NUP50: variants seen among roughly 807,000 people sequenced by gnomAD.
NUP50 encodes the protein nucleoporin 50, also known as nuclear pore complex protein Nup50.
In NUP50, 14 loss-of-function variants were observed where a neutral mutation model predicts 36.8. The ratio of observed to expected loss-of-function variants is 0.38; its 90% CI spans 0.25 to 0.59. NUP50 has a LOEUF of 0.59. NUP50 is among the 20% of genes least tolerant of loss of function. NUP50 has a pLI of 0.63. For synonymous variants in NUP50, 195 were observed against 210.8 expected (o/e 0.93, Z 0.65); for missense variants, 455 against 564.6 (o/e 0.81, Z 1.97).
chr22:45,183,732 A>AT (rs2074421001), intron 7 of NUP50: 1 of 489,962 alleles, frequency 2.0e-6, no homozygotes. Context: ...ATGATTTTTC[A>AT]TTTTCCTTTG....
In NUP50 at chr22:45,171,461, C is replaced by T. The variant is rs182800028; in HGVS notation, c.70-139C>T. ...CCTCCCAAAGCGCTAGTATTATAGG[C>T]GCAAGCCATTGTGCCTGGCCAAAAT... is the stretch of plus-strand genomic sequence containing the variant. On this transcript the variant is annotated intron_variant, in intron 2 of 7. Transcript: ENST00000347635. The T allele has an allele frequency of 7.8e-5, 60 of 773,162 alleles. No individual in the cohort carries two copies. The African/African-American group carries it at 8.2e-4, about 11-fold the overall frequency. 47.9% of individuals were successfully genotyped at this position (773,162 alleles called of 1,614,324 possible). A position where few individuals can be genotyped will look rare whatever the true frequency, so the allele number is the denominator to read the frequency against.
intron 6 of NUP50, among the ~76,000 whole-genome samples, chr22:45,182,512 G>T (rs1301623338): frequency 6.6e-6 from 1 of 152,080 alleles, no homozygotes; most frequent in Non-Finnish European, 1.5e-5. Context: ...TAGCACAGGA[G>T]GCTGGGAAGA....
intron 1 of NUP50, among the ~76,000 whole-genome samples, chr22:45,167,866 A>T (rs1199672603): frequency 2.0e-5 from 3 of 152,202 alleles, no homozygotes; most frequent in African/African-American, 7.2e-5. Context: ...GATTTTTAAA[A>T]AATCAATTGA....
intron 2 of NUP50, among the ~76,000 whole-genome samples, chr22:45,170,126 C>A (rs1009116332): frequency 9.8e-5 from 15 of 152,318 alleles, no homozygotes; most frequent in Middle Eastern, 6.8e-3. Context: ...GATCACGTGA[C>A]TTGCTTGACC....
intron 6 of NUP50, among the ~76,000 whole-genome samples, chr22:45,183,014 C>T (rs1479688405): frequency 7.5e-6 from 1 of 134,098 alleles, no homozygotes; most frequent in Non-Finnish European, 1.5e-5. Flanking sequence ...TTTATTTGTT[C>T]CTGTCTTTAG....
intron 4 of NUP50, among the ~76,000 whole-genome samples, chr22:45,176,482 G>A (rs905048062): frequency 4.6e-5 from 7 of 152,174 alleles, no homozygotes; most frequent in African/African-American, 1.7e-4. Context: ...ACTCAGATGC[G>A]GTTCTCCGTG....
Position 45,170,992 on chromosome 22 carries a change from A to G in NUP50, c.70-608A>G, listed in dbSNP as rs1389105505. ...TATTTTATTCCGACCCTACAGGGTAAAAGAAGGGCTATAAACTAAAGCCGA... is the reference window on the plus strand; with the variant it reads ...TATTTTATTCCGACCCTACAGGGTAGAAGAAGGGCTATAAACTAAAGCCGA... On this transcript the variant is annotated intron_variant, in intron 2 of 7. Transcript: ENST00000347635. 4 of 1,304,118 alleles carry G rather than the reference A, an allele frequency of 3.1e-6. No individual in the cohort carries two copies. The South Asian group carries it at 4.9e-5, about 16-fold the overall frequency. 80.8% of individuals were successfully genotyped at this position (1,304,118 alleles called of 1,614,324 possible). A position where few individuals can be genotyped will look rare whatever the true frequency, so the allele number is the denominator to read the frequency against.
chr22:45,183,322 T>A, intron 6 of NUP50, 80 bp from the exon 7 acceptor site: 1 of 796,760 alleles, frequency 1.3e-6, no homozygotes, highest in Non-Finnish European at 2.2e-6. Context: ...TCCACACAAG[T>A]GTGAAGAGTG....
intron 3 of NUP50, among the ~76,000 whole-genome samples, chr22:45,172,547 ATACT>A (rs1444714727): frequency 1.3e-5 from 2 of 152,128 alleles, no homozygotes; most frequent in African/African-American, 2.4e-5. Context: ...GGGAGCGGAA[ATACT>A]TACTTTCCTG....
At chr22:45,179,497 T>A (rs2147695895) in intron 5 of NUP50, among the ~76,000 whole-genome samples, 1 of 152,268 alleles carries the variant, frequency 6.6e-6, no homozygotes, top group African/African-American at 2.4e-5. Flanking sequence ...CAGACCTCTG[T>A]TGTTAGCTTA....
Position 45,178,394 on chromosome 22 carries a change from C to G in NUP50, c.497C>G (p.Ser166Cys). 1 of 1,613,874 alleles carries G rather than the reference C, an allele frequency of 6.2e-7. No homozygotes were observed. Among genetic ancestry groups the G allele is most frequent in the South Asian group, 1.1e-5 (1 of 91,066 alleles). Residue 166 changes from serine (S) to cysteine (C), a missense_variant, in exon 5 of 8, where the codon TCC becomes TGC. This residue lies in a region of NUP50 where 166 missense variants were observed against 202.8 expected (regional missense o/e 0.82). Transcript: ENST00000347635. ...AAGCAGTTGGCCGCCTTGAACTGCT[C>G]CGTGCGGGATTGGATAGTGAAGCAC... is the stretch of plus-strand genomic sequence containing the variant. ...YHKQLAALNCSVRDWIVKHVN... is the reference protein window; with the variant it reads ...YHKQLAALNCCVRDWIVKHVN...
rs1259343886 is a variant in NUP50 at position 45,183,383 on chromosome 22, CTAT to C, written c.1086-14_1086-12del. ...TTCGTCCTTGAATGCTTGATGGTCC[CTAT>C]TATTTTTCTCCATAGGTGTAAACTG... is the stretch of plus-strand genomic sequence containing the variant. On this transcript the variant is annotated splice_polypyrimidine_tract_variant and intron_variant, in intron 6 of 7. Transcript: ENST00000347635. 6 of 1,393,650 alleles carry C rather than the reference CTAT, an allele frequency of 4.3e-6. No individual in the cohort carries two copies. Among genetic ancestry groups the C allele is most frequent in the Admixed American group, 1.7e-5 (1 of 59,002 alleles). The allele number at this position is 1,393,650 out of a possible 1,614,324, so 86.3% of individuals were successfully genotyped here. A position where few individuals can be genotyped will look rare whatever the true frequency, so the allele number is the denominator to read the frequency against.
At chr22:45,171,196 A>C (rs1017759514) in intron 2 of NUP50, 11 of 1,139,446 alleles carry the variant, frequency 9.7e-6, no homozygotes, top group South Asian at 3.8e-5. Context: ...TAAATAACAA[A>C]ATTTATTTAT....
rs1217594460 is a variant in NUP50, at chr22:45,178,514, G to C, written c.617G>C (p.Arg206Thr). 11 of 1,612,028 alleles carry C rather than the reference G, an allele frequency of 6.8e-6. No individual in the cohort carries two copies. Among genetic ancestry groups the C allele is most frequent in the Non-Finnish European group, 8.5e-6 (10 of 1,179,874 alleles). ...GAACAGCAACACGGGAACAGTGGCA[G>C]GAATTCTGAAAGTGAATCTAACAAA... ...NIEQQHGNSG[R>T]NSESESNKVA... The change falls in exon 5 of 8, where the codon AGG becomes ACG. Residue 206 changes from arginine (R) to threonine (T), a missense_variant. Physicochemically the swap from Arg to Thr is moderately conservative, Grantham distance 71 (BLOSUM62 -1). Around this residue, in one of 3 missense-constraint regions of NUP50, gnomAD observed 287 missense variants for 345.5 expected, o/e 0.83. Transcript: ENST00000347635.
At chr22:45,165,432 C>T (rs1214224635) in intron 1 of NUP50, among the ~76,000 whole-genome samples, 2 of 152,160 alleles carry the variant, frequency 1.3e-5, no homozygotes, top group African/African-American at 4.8e-5. Context: ...TAATCTATGT[C>T]CATCTTTATT....
chr22:45,182,320 A>G (rs2074385721), intron 6 of NUP50, among the ~76,000 whole-genome samples: 1 of 152,134 alleles, frequency 6.6e-6, no homozygotes. Context: ...GCACGCCTGT[A>G]ATCCCAGCTG....
chr22:45,171,822 G>T, intron 3 of NUP50, 139 bp downstream of exon 3: 1 of 669,594 alleles, frequency 1.5e-6, no homozygotes. Flanking sequence ...ATGGGAGATA[G>T]AAAAAAATAA....
intron 6 of NUP50, among the ~76,000 whole-genome samples, chr22:45,183,084 G>GT (rs2074405406): frequency 5.3e-5 from 4 of 75,530 alleles, no homozygotes; most frequent in Admixed American, 1.3e-4. Flanking sequence ...GGGGTTGGGG[G>GT]CGGGGGGGGG....
Position 45,185,821 on chromosome 22 carries a change from T to A in NUP50, c.*1166T>A, listed in dbSNP as rs1040770723. On this transcript the variant is annotated 3_prime_UTR_variant, in exon 8 of 8. Coordinates refer to ENST00000347635, the MANE Select transcript of NUP50 (RefSeq NM_007172.4). ...TAACACGAGCATTCTTTGAAGACTC[T>A]GGGCACATGAATGATACACAGAATT... is the stretch of plus-strand genomic sequence containing the variant. 1 of 151,594 alleles carries A rather than the reference T, an allele frequency of 6.6e-6. No homozygotes were observed. The highest frequency in any genetic ancestry group is 2.4e-5 in the African/African-American group (1 of 41,126). The allele number at this position is 151,594 out of a possible 1,614,324, so 9.4% of individuals were successfully genotyped here. A position where few individuals can be genotyped will look rare whatever the true frequency, so the allele number is the denominator to read the frequency against.
Sources: allele counts gnomAD v4.1 joint callset (sites outside exome capture counted in the v4.1 genomes callset), GRCh38; gene constraint gnomAD v4.1.1; regional missense constraint gnomAD v4.1.1; transcripts MANE v1.5; gene names NCBI Gene and HGNC (gene_info 2026-07-23, HGNC 2026-07-21).